DPY19L3: variants seen among roughly 807,000 people sequenced by gnomAD.
DPY19L3 encodes dpy-19 like C-mannosyltransferase 3.
Under a neutral mutation model 92.3 loss-of-function variants are expected in DPY19L3, and 51 were observed. The observed-to-expected ratio is 0.55, with a 90% CI of 0.44 to 0.70. The LOEUF (loss-of-function observed/expected upper bound fraction) is 0.70, where lower values mean the gene tolerates loss of function less well. DPY19L3 is among the 30% of genes least tolerant of loss of function. DPY19L3 has a pLI of 0.00. For synonymous variants in DPY19L3, 309 were observed against 315.2 expected, an observed-to-expected ratio of 0.98 and a Z score of 0.21; for missense variants, 706 against 855.9, an observed-to-expected ratio of 0.82 and a Z score of 2.18.
intron 3 of DPY19L3, chr19:32,411,959 C>G (rs771310803): frequency 6.6e-6 from 1 of 152,332 alleles, no homozygotes; most frequent in African/African-American, 2.4e-5. Context: ...TCACTGCAGC[C>G]TCAACCTCCT....
chr19:32,467,923 G>C (rs1325489547), intron 15 of DPY19L3: 1 of 985,178 alleles, frequency 1.0e-6, no homozygotes, highest in Non-Finnish European at 1.2e-6. Flanking sequence ...AGTTGACCAG[G>C]AGGCACCAAG....
At chr19:32,456,646 C>G (rs1969875059) in intron 10 of DPY19L3, among the ~76,000 whole-genome samples, 1 of 151,886 alleles carries the variant, frequency 6.6e-6, no homozygotes, top group Non-Finnish European at 1.5e-5. Flanking sequence ...GTTGCCCAGG[C>G]TGGTCTCAAA....
At chr19:32,477,691 G>A in intron 17 of DPY19L3, 37 bp downstream of exon 17, 2 of 1,612,128 alleles carry the variant, frequency 1.2e-6, no homozygotes, top group South Asian at 1.1e-5. Context: ...CTTCTTGTGG[G>A]CCAGCTATGG....
At chr19:32,408,698 C>T (rs1968070497) in intron 2 of DPY19L3, among the ~76,000 whole-genome samples, 1 of 152,112 alleles carries the variant, frequency 6.6e-6, no homozygotes. Context: ...CACCAGGCAA[C>T]CTTACCTTGG....
chr19:32,413,286 C>T (rs930173151), intron 3 of DPY19L3: 4 of 152,168 alleles, frequency 2.6e-5, no homozygotes, highest in African/African-American at 7.2e-5. Flanking sequence ...CTTTGATTCT[C>T]TTACTGAAAT....
chr19:32,416,834 T>C (rs1968394661), intron 3 of DPY19L3, among the ~76,000 whole-genome samples: 1 of 152,246 alleles, frequency 6.6e-6, no homozygotes, highest in African/African-American at 2.4e-5. Flanking sequence ...GATTGGATTA[T>C]TGCCCACAAG....
Position 32,462,027 on chromosome 19 carries a change from C to T in DPY19L3, c.1323-1339C>T, listed in dbSNP as rs563278927. ...TTCTATACTATGTTTTTTTCCTATA[C>T]ATATATCCCTGTGATAAAGTTTAAT... On this transcript the variant is annotated intron_variant, in intron 12 of 18. Coordinates refer to ENST00000392250, the MANE Select transcript of DPY19L3 (RefSeq NM_001172774.2). Among the ~76,000 whole-genome samples, 4 of 152,258 alleles carry T rather than the reference C, an allele frequency of 2.6e-5. No individual in the cohort carries two copies. The South Asian group carries it at 6.2e-4, about 24-fold the overall frequency.
At chr19:32,479,830 C>T (rs1364232134) in intron 17 of DPY19L3, among the ~76,000 whole-genome samples, 6 of 152,184 alleles carry the variant, frequency 3.9e-5, no homozygotes, top group East Asian at 1.9e-4. Flanking sequence ...CTAGGATGGA[C>T]GAGAGGGAGA....
chr19:32,412,205 T>G (rs1968208800), intron 3 of DPY19L3: 2 of 152,188 alleles, frequency 1.3e-5, no homozygotes, highest in African/African-American at 4.8e-5. Context: ...TCTTTTTCAT[T>G]AACTTATTCC....
chr19:32,438,599 T>C (rs1416296883), intron 6 of DPY19L3, among the ~76,000 whole-genome samples: 4 of 152,184 alleles, frequency 2.6e-5, no homozygotes, highest in Non-Finnish European at 1.5e-5. Flanking sequence ...GTATCATTTA[T>C]TGAATGCCTA....
At chr19:32,470,071 C>G (rs1041487602) in intron 16 of DPY19L3, among the ~76,000 whole-genome samples, 1 of 152,208 alleles carries the variant, frequency 6.6e-6, no homozygotes, top group East Asian at 1.9e-4. Flanking sequence ...GCATGGATCT[C>G]ATAGAGATTT....
intron 8 of DPY19L3, among the ~76,000 whole-genome samples, chr19:32,441,441 A>T (rs1300546797): frequency 6.6e-6 from 1 of 151,630 alleles, no homozygotes; most frequent in African/African-American, 2.4e-5. Context: ...TGTTCTGCAT[A>T]TTCTTTTTGT....
intron 16 of DPY19L3, 34 bp from the exon 17 acceptor site, chr19:32,477,488 C>T (rs1467528348): frequency 6.2e-7 from 1 of 1,613,084 alleles, no homozygotes; most frequent in African/African-American, 1.3e-5. Context: ...GATCTCTTAA[C>T]AGTGGGGTTA....
chr19:32,406,684 G>T (rs1424184228), intron 1 of DPY19L3, among the ~76,000 whole-genome samples: 3 of 152,122 alleles, frequency 2.0e-5, no homozygotes, highest in African/African-American at 7.2e-5. Context: ...AATCGCTTCT[G>T]GTCCCTTTTC....
At chr19:32,447,790 C>T (rs1207031282) in intron 8 of DPY19L3, among the ~76,000 whole-genome samples, 2 of 127,444 alleles carry the variant, frequency 1.6e-5, no homozygotes, top group Non-Finnish European at 3.4e-5. Flanking sequence ...AGATAAGATA[C>T]TCCATCTCAT....
chr19:32,478,874 GTGTC>G (rs1326350670), intron 17 of DPY19L3, among the ~76,000 whole-genome samples: 1 of 152,096 alleles, frequency 6.6e-6, no homozygotes, highest in African/African-American at 2.4e-5. Context: ...TCCAGGCACG[GTGTC>G]TGTCTGTACA....
rs143002197 is a variant in DPY19L3, at chr19:32,427,149, A to G, written c.238-5567A>G. Among the ~76,000 whole-genome samples, 174 of 152,232 alleles carry G rather than the reference A, an allele frequency of 1.1e-3. 3 individuals carry two copies. In the Middle Eastern group the frequency reaches 0.051, roughly 45 times the overall value. On this transcript the variant is annotated intron_variant, in intron 3 of 18. Transcript: ENST00000392250. Reference sequence around the variant, plus strand: ...GCTGGAACTACAGGGGCATACCACCATGCCCAGCTAATTTTTTATATTTTT... The same window carrying G: ...GCTGGAACTACAGGGGCATACCACCGTGCCCAGCTAATTTTTTATATTTTT...
At position 32,460,727 on chromosome 19, in the gene DPY19L3, T is replaced by C. The variant is rs542501888; in HGVS notation, c.1322+2218T>C. On this transcript the variant is annotated intron_variant, in intron 12 of 18. Coordinates refer to ENST00000392250, the MANE Select transcript of DPY19L3 (RefSeq NM_001172774.2). ...ATGTGCGATCTGTTGTTGGCCAAAA[T>C]GTTATGTGGCACGTGACTGTCTAAA... Among the ~76,000 whole-genome samples the C allele has an allele frequency of 3.9e-4, 60 of 152,312 alleles. No homozygotes were observed. The South Asian group carries it at 5.0e-3, about 13-fold the overall frequency.
At chr19:32,419,223 C>T (rs572320266) in intron 3 of DPY19L3, among the ~76,000 whole-genome samples, 6 of 149,882 alleles carry the variant, frequency 4.0e-5, no homozygotes, top group Admixed American at 1.3e-4. Flanking sequence ...TGCAGTGGCG[C>T]GATCTCGGCT....
Sources: allele counts gnomAD v4.1 joint callset (sites outside exome capture counted in the v4.1 genomes callset), GRCh38; gene constraint gnomAD v4.1.1; transcripts MANE v1.5; gene names NCBI Gene and HGNC (gene_info 2026-07-23, HGNC 2026-07-21).